AUTS2: variants seen among roughly 807,000 people sequenced by gnomAD.
The protein encoded by AUTS2 is activator of transcription and developmental regulator AUTS2, also known as autism susceptibility gene 2 protein.
In AUTS2, 17 loss-of-function variants were observed where a neutral mutation model predicts 112.4. The observed-to-expected ratio is 0.15, with a 90% confidence interval of 0.10 to 0.23. The LOEUF (loss-of-function observed/expected upper bound fraction) is 0.23. Ranked by LOEUF, AUTS2 falls within the 10% of genes least tolerant of loss-of-function variation. AUTS2 has a pLI of 1.00. For missense variants in AUTS2, 1,510 were observed against 1,701.6 expected (o/e 0.89, Z 1.98); for synonymous variants, 751 against 702.7 (o/e 1.07, Z -1.09).
intron 5 of AUTS2, among the ~76,000 whole-genome samples, chr7:70,547,765 AC>A (rs1194072414): frequency 6.6e-6 from 1 of 152,204 alleles, no homozygotes; most frequent in Non-Finnish European, 1.5e-5. Flanking sequence ...GCTACTGTGA[AC>A]ACTCACATAC....
chr7:69,819,404 C>T (rs1303612954), intron 1 of AUTS2, among the ~76,000 whole-genome samples: 1 of 152,222 alleles, frequency 6.6e-6, no homozygotes. Flanking sequence ...CAGTTGTCTT[C>T]TATCTTCAGC....
At chr7:69,678,504 AC>A (rs1361675898) in intron 1 of AUTS2, among the ~76,000 whole-genome samples, 2 of 152,194 alleles carry the variant, frequency 1.3e-5, no homozygotes, top group Non-Finnish European at 2.9e-5. Flanking sequence ...TGTGAGCGGA[AC>A]AAAAATCATG....
At chr7:70,308,776 T>C (rs1042377085) in intron 4 of AUTS2, among the ~76,000 whole-genome samples, 11 of 152,184 alleles carry the variant, frequency 7.2e-5, no homozygotes, top group African/African-American at 1.9e-4. Flanking sequence ...GAAACATCTA[T>C]ACACATATTA....
At chr7:70,208,178 T>C (rs1810674564) in intron 4 of AUTS2, among the ~76,000 whole-genome samples, 1 of 152,172 alleles carries the variant, frequency 6.6e-6, no homozygotes, top group African/African-American at 2.4e-5. Flanking sequence ...GAGTGGTCAT[T>C]AATATCATTA....
At chr7:70,173,744 T>A (rs1168079515) in intron 4 of AUTS2, among the ~76,000 whole-genome samples, 1 of 152,214 alleles carries the variant, frequency 6.6e-6, no homozygotes, top group African/African-American at 2.4e-5. Flanking sequence ...TTTTTTATTA[T>A]AATTATAACT....
intron 2 of AUTS2, among the ~76,000 whole-genome samples, chr7:70,078,957 A>C (rs1022592293): frequency 6.6e-6 from 1 of 152,214 alleles, no homozygotes; most frequent in Non-Finnish European, 1.5e-5. Flanking sequence ...GTTAATGTCA[A>C]GACTATATCT....
intron 1 of AUTS2, among the ~76,000 whole-genome samples, chr7:69,847,549 A>G (rs1220524077): frequency 6.6e-6 from 1 of 152,190 alleles, no homozygotes; most frequent in Non-Finnish European, 1.5e-5. Flanking sequence ...GGCCTTCTTC[A>G]TTATGTCCTG....
At chr7:70,443,572 G>A (rs1585151255) in intron 5 of AUTS2, among the ~76,000 whole-genome samples, 1 of 152,172 alleles carries the variant, frequency 6.6e-6, no homozygotes, top group African/African-American at 2.4e-5. Flanking sequence ...GTCTCTCTCA[G>A]TCTTCCAAGA....
At position 69,828,381 on chromosome 7, in the gene AUTS2, C is replaced by T. The variant is rs371941255; in HGVS notation, c.310-70905C>T. On this transcript the variant is annotated intron_variant, in intron 1 of 18. Coordinates refer to ENST00000342771, the MANE Select transcript of AUTS2 (RefSeq NM_015570.4). ...AAATTGGCAGTTGCCATCTTTGAAC[C>T]GTGAGCCAGCGTAAGAGGACAGGCC... 1.0e-3 allele frequency among the ~76,000 whole-genome samples: 153 copies of T among 152,222 alleles called. 2 individuals carry two copies. Among genetic ancestry groups the T allele is most frequent in the South Asian group, 7.1e-3 (34 of 4,822 alleles).
At position 70,364,741 on chromosome 7, in the gene AUTS2, C is replaced by CT. The variant is rs537995511; in HGVS notation, c.661-71008dup. Among the ~76,000 whole-genome samples the CT allele has an allele frequency of 5.2e-4, 79 of 152,174 alleles. 2 individuals carry two copies. Among genetic ancestry groups the CT allele is most frequent in the African/African-American group, 1.9e-3 (78 of 41,546 alleles). On this transcript the variant is annotated intron_variant, in intron 4 of 18. Coordinates refer to ENST00000342771, the MANE Select transcript of AUTS2 (RefSeq NM_015570.4). ...TCAGACTCATTCATTATAAAGAACT[C>CT]TTTCTGATTGAAAACATTTAGTTAA...
chr7:69,825,174 T>A (rs1292808093), intron 1 of AUTS2, among the ~76,000 whole-genome samples: 1 of 152,196 alleles, frequency 6.6e-6, no homozygotes, highest in Non-Finnish European at 1.5e-5. Flanking sequence ...CCTTTAACAA[T>A]TTTAGACCTC....
intron 5 of AUTS2, among the ~76,000 whole-genome samples, chr7:70,640,874 T>G (rs1286313510): frequency 6.6e-6 from 1 of 152,170 alleles, no homozygotes; most frequent in Non-Finnish European, 1.5e-5. Flanking sequence ...CGTCATCCCT[T>G]CTTGCCCATA....
At chr7:70,261,991 G>A (rs185217285) in intron 4 of AUTS2, among the ~76,000 whole-genome samples, 14 of 151,840 alleles carry the variant, frequency 9.2e-5, no homozygotes, top group African/African-American at 1.2e-4. Flanking sequence ...TATTAATTTC[G>A]TACTAAAAAG....
At chr7:69,880,412 A>G (rs1456467579) in intron 1 of AUTS2, among the ~76,000 whole-genome samples, 3 of 152,188 alleles carry the variant, frequency 2.0e-5, no homozygotes, top group Admixed American at 2.0e-4. Context: ...TGTGGTGGGC[A>G]TGTGATTTTG....
rs112823410 is a variant in AUTS2 at position 70,562,197 on chromosome 7, C to T, written c.690+126416C>T. Among the ~76,000 whole-genome samples, 587 of 152,328 alleles carry T rather than the reference C, an allele frequency of 3.9e-3. 3 individuals are homozygous for T. Among genetic ancestry groups the T allele is most frequent in the African/African-American group, 0.013 (543 of 41,566 alleles). On this transcript the variant is annotated intron_variant, in intron 5 of 18. Transcript: ENST00000342771. ...ACCTCTTCTCTATAAATTATCCACC[C>T]TCAGGTATTCCTTTATAGCAGCACA...
chr7:70,756,788 A>G (rs1387139114), intron 6 of AUTS2, among the ~76,000 whole-genome samples: 1 of 152,232 alleles, frequency 6.6e-6, no homozygotes, highest in East Asian at 1.9e-4. Flanking sequence ...TGACCCAGAT[A>G]TAACAAAGTA....
intron 4 of AUTS2, among the ~76,000 whole-genome samples, chr7:70,308,837 A>C (rs1439589519): frequency 2.0e-5 from 3 of 152,140 alleles, no homozygotes; most frequent in African/African-American, 7.2e-5. Context: ...CTGATGTTTC[A>C]CTTGGCTGAA....
At chr7:70,197,537 A>G in intron 4 of AUTS2, among the ~76,000 whole-genome samples, 1 of 126,490 alleles carries the variant, frequency 7.9e-6, no homozygotes, top group Non-Finnish European at 1.7e-5. Flanking sequence ...TGGGAAGCGC[A>G]AGGGGTCAGG....
At chr7:70,650,646 T>C (rs1337231059) in intron 5 of AUTS2, among the ~76,000 whole-genome samples, 5 of 152,248 alleles carry the variant, frequency 3.3e-5, no homozygotes, top group Admixed American at 3.3e-4. Flanking sequence ...TGCATTTCAC[T>C]TGAAACTAGT....
Sources: gnomAD v4.1 joint callset for allele counts (sites outside exome capture counted in the v4.1 genomes callset) on GRCh38, gnomAD v4.1.1 for gene constraint, MANE v1.5 for transcripts, NCBI Gene and HGNC (gene_info 2026-07-23, HGNC 2026-07-21) for gene names.